Variants in CACNA1D observed in about 807,000 individuals in gnomAD.
CACNA1D encodes the protein calcium voltage-gated channel subunit alpha1 D.
Under a neutral mutation model 257.1 loss-of-function variants are expected in CACNA1D, and 55 were observed. The observed-to-expected ratio is 0.21, with a 90% CI of 0.17 to 0.27. The LOEUF is 0.27. Ranked by LOEUF, CACNA1D falls within the 10% of genes least tolerant of loss-of-function variation. The probability of loss-of-function intolerance (pLI) is 1.00; values close to 1 mark genes in which losing one functional copy is unlikely to be tolerated. For synonymous variants in CACNA1D, 980 were observed against 1,014.9 expected (o/e 0.97, Z 0.65); for missense variants, 1,876 against 2,784.0 (o/e 0.67, Z 7.34).
chr3:53,560,704 T>A (rs13073663), intron 3 of CACNA1D, among the ~76,000 whole-genome samples: 7 of 152,346 alleles, frequency 4.6e-5, no homozygotes, highest in Non-Finnish European at 1.0e-4. Flanking sequence ...AAACTATTGA[T>A]TGACACTGAA....
intron 7 of CACNA1D, among the ~76,000 whole-genome samples, chr3:53,667,145 A>G (rs776496337): frequency 1.1e-4 from 17 of 152,208 alleles, no homozygotes; most frequent in Non-Finnish European, 2.4e-4. Context: ...CTCTGGCAGA[A>G]AGGGTAGGAA....
In CACNA1D at chr3:53,495,450, G is replaced by C. The variant is rs1429695634; in HGVS notation, c.67+217G>C. Among the ~76,000 whole-genome samples the C allele has an allele frequency of 6.6e-6, 1 of 152,170 alleles. No homozygotes were observed. Among genetic ancestry groups the C allele is most frequent in the Non-Finnish European group, 1.5e-5 (1 of 68,026 alleles). On this transcript the variant is annotated intron_variant, in intron 1 of 47. Transcript: ENST00000350061. The surrounding 1 kb of genome is among the most constrained non-coding windows in gnomAD (Gnocchi z 5.1). ...GAGTTAATTCTGCATTTGTGGGGTG[G>C]GGGCGGCCGTGGAGTGTGTGGAGCG... is the stretch of plus-strand genomic sequence containing the variant.
intron 3 of CACNA1D, among the ~76,000 whole-genome samples, chr3:53,560,490 C>A (rs1559842098): frequency 1.3e-5 from 2 of 152,254 alleles, no homozygotes; most frequent in East Asian, 3.9e-4. Context: ...TCATGGAATT[C>A]TCAAATAATG....
intron 3 of CACNA1D, among the ~76,000 whole-genome samples, chr3:53,640,485 C>G (rs1206168549): frequency 3.3e-5 from 5 of 151,974 alleles, no homozygotes; most frequent in African/African-American, 7.3e-5. Flanking sequence ...GAGATGGGAT[C>G]TTGGAATCTA....
intron 40 of CACNA1D, chr3:53,796,359 T>G: frequency 2.2e-6 from 1 of 456,080 alleles, no homozygotes; most frequent in South Asian, 1.5e-5. Flanking sequence ...CCTGGCCCAG[T>G]CCCGACTAGA....
intron 9 of CACNA1D, among the ~76,000 whole-genome samples, chr3:53,703,739 G>A (rs899151500): frequency 3.3e-5 from 5 of 152,198 alleles, no homozygotes; most frequent in Non-Finnish European, 7.3e-5. Context: ...CTTGAGCAGA[G>A]CGCCTTGGAT....
At chr3:53,747,507 C>T (rs2095181835) in intron 26 of CACNA1D, 59 bp downstream of exon 26, 27 of 1,557,204 alleles carry the variant, frequency 1.7e-5, no homozygotes, top group Admixed American at 5.0e-5. Flanking sequence ...GGGCTGAGCC[C>T]TCCCTCCTGG....
intron 4 of CACNA1D, among the ~76,000 whole-genome samples, chr3:53,657,136 T>C (rs1450818278): frequency 1.3e-5 from 2 of 152,154 alleles, no homozygotes; most frequent in African/African-American, 4.8e-5. Flanking sequence ...AAGCAACCCA[T>C]ATATCCCTCA....
chr3:53,683,947 AG>A (rs2108483428), intron 8 of CACNA1D, among the ~76,000 whole-genome samples: 1 of 152,376 alleles, frequency 6.6e-6, no homozygotes, highest in Admixed American at 6.5e-5. Context: ...AACCTCAAGC[AG>A]GGGAAACACA....
intron 20 of CACNA1D, among the ~76,000 whole-genome samples, chr3:53,738,089 C>A (rs1346345459): frequency 6.6e-6 from 1 of 152,188 alleles, no homozygotes; most frequent in Non-Finnish European, 1.5e-5. Context: ...AGAAACCCGA[C>A]CAGCAGAGGG....
intron 3 of CACNA1D, among the ~76,000 whole-genome samples, chr3:53,502,475 T>G (rs977162609): frequency 1.3e-5 from 2 of 152,128 alleles, no homozygotes; most frequent in African/African-American, 4.8e-5. Flanking sequence ...AACATTTTTT[T>G]TTTTTTTGGC....
At chr3:53,635,514 C>G (rs1369444824) in intron 3 of CACNA1D, among the ~76,000 whole-genome samples, 1 of 152,190 alleles carries the variant, frequency 6.6e-6, no homozygotes, top group African/African-American at 2.4e-5. Flanking sequence ...TGGGCATCTT[C>G]CCTTTTTTCT....
chr3:53,533,083 C>G (rs1461244796), intron 3 of CACNA1D, among the ~76,000 whole-genome samples: 1 of 152,204 alleles, frequency 6.6e-6, no homozygotes, highest in African/African-American at 2.4e-5. Flanking sequence ...GCCATGATCC[C>G]TCTGAGATAT....
At chr3:53,737,543 C>T (rs564454899) in intron 20 of CACNA1D, among the ~76,000 whole-genome samples, 1 of 152,190 alleles carries the variant, frequency 6.6e-6, no homozygotes, top group South Asian at 2.1e-4. Flanking sequence ...AGTCAAGGGA[C>T]CGGGAGCAGT....
At position 53,673,324 on chromosome 3, in the gene CACNA1D, A is replaced by G. The variant is rs766581470; in HGVS notation, c.1220+198A>G. ...ACCAGGCTTCATGAAGGAGAACTAT[A>G]GAACGATTATTGACCAGAAATTAAT... On this transcript the variant is annotated intron_variant, in intron 8 of 47. Coordinates refer to ENST00000350061, the MANE Select transcript of CACNA1D (RefSeq NM_001128840.3). This position sits in a 1 kb window ranked among gnomAD's most constrained non-coding sequence, Gnocchi z 4.1. Among the ~76,000 whole-genome samples the G allele has an allele frequency of 6.6e-5, 10 of 152,218 alleles. No homozygotes were observed. The highest frequency in any genetic ancestry group is 1.7e-4 in the African/African-American group (7 of 41,450).
intron 8 of CACNA1D, among the ~76,000 whole-genome samples, chr3:53,682,282 A>G (rs946083557): frequency 4.1e-5 from 6 of 147,276 alleles, no homozygotes; most frequent in African/African-American, 1.5e-4. Flanking sequence ...AATCCGAGCA[A>G]TTCAGAAGGG....
rs769966787 is a variant in CACNA1D at position 53,751,706 on chromosome 3, C to T, written c.3517-43C>T. On this transcript the variant is annotated intron_variant, in intron 27 of 47. Coordinates refer to ENST00000350061, the MANE Select transcript of CACNA1D (RefSeq NM_001128840.3). The surrounding 1 kb of genome is among the most constrained non-coding windows in gnomAD (Gnocchi z 4.3). Reference sequence around the variant, plus strand: ...ATGACCACGGGGTCCTCCTTCCCTGCAAGTGCTCAGAACCCCGTTTCTGCC... The same window carrying T: ...ATGACCACGGGGTCCTCCTTCCCTGTAAGTGCTCAGAACCCCGTTTCTGCC... 6.2e-7 allele frequency: 1 copy of T among 1,610,572 alleles called. No individual in the cohort carries two copies. The highest frequency in any genetic ancestry group is 1.1e-5 in the South Asian group (1 of 91,000).
chr3:53,742,956 G>T (rs1559608808), intron 21 of CACNA1D, 55 bp from the exon 22 acceptor site: 9 of 1,145,912 alleles, frequency 7.9e-6, no homozygotes, highest in South Asian at 2.4e-5. Context: ...AAGAGCCCAG[G>T]TTTCTTTTCC....
intron 4 of CACNA1D, among the ~76,000 whole-genome samples, chr3:53,651,490 A>G (rs1035117519): frequency 1.3e-5 from 2 of 151,692 alleles, no homozygotes; most frequent in Admixed American, 1.3e-4. Context: ...GAAATAAGCT[A>G]GAAAATGCAG....
Sources: gnomAD v4.1 joint callset for allele counts (sites outside exome capture counted in the v4.1 genomes callset) on GRCh38, gnomAD v4.1.1 for gene constraint, Gnocchi (gnomAD v3.1) non-coding constraint, MANE v1.5 for transcripts, NCBI Gene and HGNC (gene_info 2026-07-23, HGNC 2026-07-21) for gene names.